Variants in DOCK4 observed in about 807,000 individuals in gnomAD.
DOCK4 encodes dedicator of cytokinesis protein 4.
DOCK4 carries 97 observed loss-of-function variants against 268.1 expected under a neutral mutation model. That is an observed-to-expected ratio of 0.36 (90% confidence interval 0.31 to 0.43). The LOEUF (loss-of-function observed/expected upper bound fraction) is 0.43, where lower values mean the gene tolerates loss of function less well. Among genes scored for constraint, DOCK4 ranks in the 20% least tolerant of loss-of-function variants. The probability of loss-of-function intolerance (pLI) is 1.00; values close to 1 mark genes in which losing one functional copy is unlikely to be tolerated. For synonymous variants in DOCK4, 954 were observed against 887.2 expected, an observed-to-expected ratio of 1.08 and a Z score of -1.34; for missense variants, 2,145 against 2,455.7, an observed-to-expected ratio of 0.87 and a Z score of 2.67.
intron 1 of DOCK4, among the ~76,000 whole-genome samples, chr7:112,014,919 G>C (rs1586645120): frequency 6.6e-6 from 1 of 151,940 alleles, no homozygotes; most frequent in East Asian, 1.9e-4. Flanking sequence ...GGAAGAAAGA[G>C]AAAAGGAAGA....
At chr7:111,876,418 T>TA (rs1317526294) in intron 17 of DOCK4, among the ~76,000 whole-genome samples, 1 of 152,182 alleles carries the variant, frequency 6.6e-6, no homozygotes, top group Non-Finnish European at 1.5e-5. Flanking sequence ...AATACCTCAT[T>TA]ATAAAGTGAT....
intron 7 of DOCK4, among the ~76,000 whole-genome samples, chr7:111,978,043 T>C (rs1798340074): frequency 6.6e-6 from 1 of 152,116 alleles, no homozygotes; most frequent in South Asian, 2.1e-4. Context: ...ATGGGGATGA[T>C]CATTCATCCA....
intron 30 of DOCK4, among the ~76,000 whole-genome samples, chr7:111,801,304 A>AT (rs1399126377): frequency 6.6e-6 from 1 of 152,018 alleles, no homozygotes; most frequent in African/African-American, 2.4e-5. Flanking sequence ...ATAACTGATC[A>AT]TTTTTCCGCT....
At chr7:111,878,636 T>C (rs889903330) in intron 16 of DOCK4, among the ~76,000 whole-genome samples, 26 of 151,416 alleles carry the variant, frequency 1.7e-4, no homozygotes, top group African/African-American at 5.8e-4. Flanking sequence ...CTATGCAGCA[T>C]GGAGAAAGAA....
intron 12 of DOCK4, among the ~76,000 whole-genome samples, chr7:111,918,235 T>C (rs953246971): frequency 3.3e-5 from 5 of 152,178 alleles, no homozygotes; most frequent in African/African-American, 1.2e-4. Flanking sequence ...CACTTTCCGG[T>C]TTGTGTACCA....
At chr7:111,805,802 C>T (rs141470266) in intron 30 of DOCK4, among the ~76,000 whole-genome samples, 69 of 152,308 alleles carry the variant, frequency 4.5e-4, no homozygotes, top group African/African-American at 1.6e-3. Context: ...ATTAGACCAA[C>T]TAGACAGTTT....
At chr7:112,048,775 CTT>C in intron 1 of DOCK4, among the ~76,000 whole-genome samples, 1 of 147,702 alleles carries the variant, frequency 6.8e-6, no homozygotes, top group East Asian at 2.0e-4. Context: ...AAATATCTTT[CTT>C]TTTTTTTTAT....
At chr7:112,029,079 C>G (rs1467236876) in intron 1 of DOCK4, among the ~76,000 whole-genome samples, 1 of 152,154 alleles carries the variant, frequency 6.6e-6, no homozygotes, top group Non-Finnish European at 1.5e-5. Context: ...CCAGCTGCGC[C>G]TGAAAAATCC....
chr7:112,088,889 A>G (rs1469052440), intron 1 of DOCK4, among the ~76,000 whole-genome samples: 1 of 152,164 alleles, frequency 6.6e-6, no homozygotes, highest in Admixed American at 6.6e-5. Flanking sequence ...TGAAAGGATT[A>G]ATTAAGTAAT....
chr7:112,139,537 T>C (rs980025185), intron 1 of DOCK4, among the ~76,000 whole-genome samples: 17 of 152,088 alleles, frequency 1.1e-4, no homozygotes, highest in African/African-American at 3.9e-4. Context: ...AATGTGAAGA[T>C]GGGATTTCAT....
Position 111,900,539 on chromosome 7 carries a change from A to T in DOCK4, c.1318-3T>A. 2 of 1,608,546 alleles carry T rather than the reference A, an allele frequency of 1.2e-6. No individual in the cohort carries two copies. Among genetic ancestry groups the T allele is most frequent in the Non-Finnish European group, 1.7e-6 (2 of 1,177,592 alleles). On this transcript the variant is annotated splice_polypyrimidine_tract_variant and splice_region_variant and intron_variant, in intron 14 of 52. Transcript: ENST00000428084. ...CCAGAGCCGAAGGAGATAAAATCCT[A>T]ACAAAGGGAAGAACACACAGGTTAA...
chr7:111,847,112 G>T lies in DOCK4; in HGVS notation c.2488C>A (p.Leu830Ile). Reference protein sequence around the residue: ...LYTNPDSRYILLPVVLHHLHI... With the variant: ...LYTNPDSRYIILPVVLHHLHI... ...AGGTGATGTAACACGACAGGCAGAA[G>T]AATGTATCGGGAATCTGAAGAGAGA... The change falls in exon 24 of 53, where the codon CTT becomes ATT. Residue 830 changes from leucine to isoleucine, a missense_variant. Physicochemically the swap from Leu to Ile is conservative, Grantham distance 5. Transcript: ENST00000428084. The T allele has an allele frequency of 1.9e-6, 3 of 1,613,810 alleles. No homozygotes were observed. Among genetic ancestry groups the T allele is most frequent in the Non-Finnish European group, 1.7e-6 (2 of 1,179,750 alleles).
intron 13 of DOCK4, among the ~76,000 whole-genome samples, chr7:111,908,818 G>A (rs1791838414): frequency 6.6e-6 from 1 of 151,996 alleles, no homozygotes; most frequent in South Asian, 2.1e-4. Context: ...TGTTGGGAAT[G>A]ATGGCTTCTA....
intron 1 of DOCK4, among the ~76,000 whole-genome samples, chr7:112,156,906 A>G (rs1380547414): frequency 2.0e-5 from 3 of 152,218 alleles, no homozygotes; most frequent in Non-Finnish European, 4.4e-5. Flanking sequence ...ATATGTATTG[A>G]GAATTTATGA....
At chr7:112,084,959 T>A (rs2135732900) in intron 1 of DOCK4, among the ~76,000 whole-genome samples, 1 of 152,214 alleles carries the variant, frequency 6.6e-6, no homozygotes, top group East Asian at 1.9e-4. Context: ...CATAAGTTAC[T>A]TGGCCAAGTT....
rs140967055 is a variant in DOCK4 at position 111,859,863 on chromosome 7, G to A, written c.2473+3509C>T. On this transcript the variant is annotated intron_variant, in intron 23 of 52. Coordinates refer to ENST00000428084, the MANE Select transcript of DOCK4 (RefSeq NM_001363540.2). ...ATTACAGGCGTGAGCCACCGCGCCC[G>A]GCCGTGTGTTAATTTTTTAAATGAA... 7.1e-4 allele frequency among the ~76,000 whole-genome samples: 108 copies of A among 152,300 alleles called. 2 individuals are homozygous for A. In the East Asian group the frequency reaches 0.011, roughly 15 times the overall value.
chr7:112,043,202 A>G (rs1250553656), intron 1 of DOCK4, among the ~76,000 whole-genome samples: 1 of 152,062 alleles, frequency 6.6e-6, no homozygotes, highest in Non-Finnish European at 1.5e-5. Context: ...AGACTTTCAC[A>G]CTTCTTCACT....
intron 12 of DOCK4, among the ~76,000 whole-genome samples, chr7:111,930,653 C>T (rs1399530745): frequency 1.3e-5 from 2 of 152,218 alleles, no homozygotes; most frequent in African/African-American, 2.4e-5. Flanking sequence ...CATTATCTAA[C>T]TGTTGTGACA....
intron 1 of DOCK4, among the ~76,000 whole-genome samples, chr7:112,182,860 A>G (rs1182429058): frequency 1.3e-5 from 2 of 152,230 alleles, no homozygotes; most frequent in East Asian, 3.9e-4. Context: ...GAGCTGTGCA[A>G]CAGGGTGGCC....
Sources: allele counts gnomAD v4.1 joint callset (sites outside exome capture counted in the v4.1 genomes callset), GRCh38; gene constraint gnomAD v4.1.1; transcripts MANE v1.5; gene names NCBI Gene and HGNC (gene_info 2026-07-23, HGNC 2026-07-21).